Variants in CNBD1 observed in about 807,000 individuals in gnomAD.
CNBD1 encodes cyclic nucleotide binding domain containing 1.
A neutral mutation model predicts 54.4 loss-of-function variants in CNBD1; 71 were observed. The ratio of observed to expected loss-of-function variants is 1.30; its 90% confidence interval spans 1.08 to 1.59. CNBD1 has a LOEUF of 1.59. CNBD1 is among the 40% of genes most tolerant of loss of function. The probability of loss-of-function intolerance (pLI) is 0.00; values close to 1 mark genes in which losing one functional copy is unlikely to be tolerated. For synonymous variants in CNBD1, 182 were observed against 170.7 expected, an observed-to-expected ratio of 1.07 and a Z score of -0.51; for missense variants, 659 against 518.0, an observed-to-expected ratio of 1.27 and a Z score of -2.64.
At chr8:86,971,959 C>CTT (rs576929582) in intron 4 of CNBD1, among the ~76,000 whole-genome samples, 14 of 147,342 alleles carry the variant, frequency 9.5e-5, no homozygotes, top group Admixed American at 4.8e-4. Flanking sequence ...TTAAATAGAA[C>CTT]TTTTTTTTTT....
chr8:86,909,120 AT>A (rs535761302), intron 3 of CNBD1, among the ~76,000 whole-genome samples: 41 of 152,012 alleles, frequency 2.7e-4, no homozygotes, highest in African/African-American at 9.2e-4. Flanking sequence ...CATAATGGTC[AT>A]TTTTTTTAAA....
At chr8:87,160,729 G>A (rs771310110) in intron 4 of CNBD1, among the ~76,000 whole-genome samples, 5 of 151,974 alleles carry the variant, frequency 3.3e-5, no homozygotes, top group African/African-American at 9.7e-5. Flanking sequence ...AGGGATAGGG[G>A]GAGGATTCTT....
At chr8:87,254,321 A>T (rs566212748) in intron 6 of CNBD1, among the ~76,000 whole-genome samples, 1 of 152,358 alleles carries the variant, frequency 6.6e-6, no homozygotes, top group South Asian at 2.1e-4. Flanking sequence ...ATAGGGTAAC[A>T]ATTAATAAAG....
At chr8:87,261,304 G>T (rs907882236) in intron 6 of CNBD1, among the ~76,000 whole-genome samples, 21 of 152,038 alleles carry the variant, frequency 1.4e-4, no homozygotes, top group Non-Finnish European at 1.5e-5. Context: ...GACACAAATG[G>T]GTCCTGCAGG....
chr8:87,419,694 A>G (rs1807895484), intron 2 of CNBD1, among the ~76,000 whole-genome samples: 1 of 151,914 alleles, frequency 6.6e-6, no homozygotes, highest in Non-Finnish European at 1.5e-5. Flanking sequence ...AGTATGTGAC[A>G]AAGTTTGTCT....
intron 4 of CNBD1, among the ~76,000 whole-genome samples, chr8:87,045,724 C>CA (rs58973406): frequency 0.082 from 4,156 of 50,824 alleles, 259 homozygotes; most frequent in African/African-American, 0.14. Context: ...GACTCCGTCT[C>CA]AAAAAAAAAA....
At chr8:87,205,318 C>T (rs995620472) in intron 4 of CNBD1, among the ~76,000 whole-genome samples, 1 of 152,170 alleles carries the variant, frequency 6.6e-6, no homozygotes, top group African/African-American at 2.4e-5. Context: ...AGGCGTGAGC[C>T]ACCACGCCTG....
chr8:87,108,905 A>G (rs1394031631), intron 4 of CNBD1, among the ~76,000 whole-genome samples: 7 of 152,190 alleles, frequency 4.6e-5, no homozygotes, highest in African/African-American at 1.4e-4. Flanking sequence ...CATGGCCTCT[A>G]CTAGAACAAA....
At chr8:86,930,321 T>A (rs12675924) in intron 3 of CNBD1, among the ~76,000 whole-genome samples, 11,016 of 152,186 alleles carry the variant, frequency 0.072, 555 homozygotes, top group East Asian at 0.22. Context: ...AGATGCCTTG[T>A]ACCCTTGATT....
At chr8:87,391,132 C>T (rs1811301155) in intron 2 of CNBD1, among the ~76,000 whole-genome samples, 1 of 151,806 alleles carries the variant, frequency 6.6e-6, no homozygotes, top group South Asian at 2.1e-4. Flanking sequence ...AGGATATATA[C>T]CTAATGTTAA....
intron 2 of CNBD1, among the ~76,000 whole-genome samples, chr8:87,426,189 C>T (rs144648128): frequency 0.014 from 2,087 of 152,258 alleles, 53 homozygotes; most frequent in African/African-American, 0.047. Flanking sequence ...GCGCACGGTG[C>T]GCGCACCCAC....
chr8:87,084,429 G>A (rs1215820395), intron 4 of CNBD1, among the ~76,000 whole-genome samples: 1 of 151,932 alleles, frequency 6.6e-6, no homozygotes, highest in East Asian at 1.9e-4. Context: ...TTTCTTCTTT[G>A]CTTTGAGAGA....
At chr8:87,418,443 G>A (rs560719549) in intron 2 of CNBD1, among the ~76,000 whole-genome samples, 3 of 151,976 alleles carry the variant, frequency 2.0e-5, no homozygotes, top group East Asian at 1.9e-4. Flanking sequence ...TTATAACCTT[G>A]CACTAGGCAA....
intron 8 of CNBD1, among the ~76,000 whole-genome samples, chr8:87,305,890 C>G (rs1172561373): frequency 6.6e-6 from 1 of 152,072 alleles, no homozygotes; most frequent in African/African-American, 2.4e-5. Flanking sequence ...GCAGTAAAAA[C>G]AAAGATAAAT....
intron 8 of CNBD1, among the ~76,000 whole-genome samples, chr8:87,334,505 G>A (rs1223261603): frequency 2.6e-5 from 4 of 151,944 alleles, no homozygotes; most frequent in Non-Finnish European, 5.9e-5. Context: ...GGTTTCCGAT[G>A]TGGGCATTTA....
At chr8:87,385,216 T>C (rs921232102), downstream of CNBD1, among the ~76,000 whole-genome samples, 2 of 152,138 alleles carry the variant, frequency 1.3e-5, no homozygotes, top group Non-Finnish European at 2.9e-5. Context: ...GGGTGATTTC[T>C]GCATTTCCAA....
In CNBD1 at chr8:87,092,792, G is replaced by A. The variant is rs149077142; in HGVS notation, c.432-113201G>A. ...CCTCACAGATTTGTAACGCCAGCTGGTACCTCTCTTCTGAGCTCCAGATCC... is the reference window on the plus strand; with the variant it reads ...CCTCACAGATTTGTAACGCCAGCTGATACCTCTCTTCTGAGCTCCAGATCC... On this transcript the variant is annotated intron_variant, in intron 4 of 10. Coordinates refer to ENST00000518476, the MANE Select transcript of CNBD1 (RefSeq NM_173538.3). 4.3e-3 allele frequency among the ~76,000 whole-genome samples: 649 copies of A among 152,076 alleles called. 7 individuals are homozygous for A. Among genetic ancestry groups the A allele is most frequent in the African/African-American group, 0.015 (625 of 41,472 alleles).
chr8:87,219,645 G>C (rs1327737024), intron 5 of CNBD1, among the ~76,000 whole-genome samples: 1 of 151,914 alleles, frequency 6.6e-6, no homozygotes, highest in Non-Finnish European at 1.5e-5. Flanking sequence ...GAGCTTAGCT[G>C]AACAGTTGGA....
intron 1 of CNBD1, among the ~76,000 whole-genome samples, chr8:86,870,432 C>T (rs1162203200): frequency 6.6e-6 from 1 of 151,716 alleles, no homozygotes; most frequent in Admixed American, 6.6e-5. Context: ...CTCCTGACCT[C>T]GTGATCCACC....
Sources: gnomAD v4.1 joint callset for allele counts (sites outside exome capture counted in the v4.1 genomes callset) on GRCh38, gnomAD v4.1.1 for gene constraint, MANE v1.5 for transcripts, NCBI Gene and HGNC (gene_info 2026-07-23, HGNC 2026-07-21) for gene names.